STRADB: variants seen among roughly 807,000 people sequenced by gnomAD.
The protein encoded by STRADB is STE20-related kinase adapter protein beta.
Under a neutral mutation model 52.1 loss-of-function variants are expected in STRADB, and 34 were observed. That is an observed-to-expected ratio of 0.65 (90% CI 0.50 to 0.87). The LOEUF is 0.87. Ranked by LOEUF, STRADB falls within the 40% of genes least tolerant of loss-of-function variation. The probability of loss-of-function intolerance (pLI) is 0.00; values close to 1 mark genes in which losing one functional copy is unlikely to be tolerated. For missense variants in STRADB, 340 were observed against 483.9 expected, an observed-to-expected ratio of 0.70 and a Z score of 2.79; for synonymous variants, 133 against 174.5, an observed-to-expected ratio of 0.76 and a Z score of 1.87.
At chr2:201,468,417 T>C (rs781285984) in intron 3 of STRADB, among the ~76,000 whole-genome samples, 14 of 152,214 alleles carry the variant, frequency 9.2e-5, no homozygotes, top group Non-Finnish European at 1.6e-4. Context: ...CTTGCCCCTT[T>C]GTAGTTTTCT....
chr2:201,474,688 T>G lies in STRADB; in HGVS notation c.357T>G (p.Ile119Met). ...ILSHFFRHPNITTYWTVFTVG... is the reference protein window; with the variant it reads ...ILSHFFRHPNMTTYWTVFTVG... ...CCCACTTTTTCCGGCATCCCAATAT[T>G]ACAACTTATTGGACAGTTTTCACTG... Residue 119 changes from isoleucine to methionine, a missense_variant, in exon 6 of 12, where the codon ATT (isoleucine) becomes ATG (methionine). Ile to Met is a conservative substitution (Grantham distance 10, BLOSUM62 1). Coordinates refer to ENST00000194530, the MANE Select transcript of STRADB (RefSeq NM_018571.6). 6.2e-7 allele frequency: 1 copy of G among 1,612,722 alleles called. No homozygotes were observed. The highest frequency in any genetic ancestry group is 8.5e-7 in the Non-Finnish European group (1 of 1,179,726).
At chr2:201,474,253 A>T (rs542133767) in intron 5 of STRADB, among the ~76,000 whole-genome samples, 2 of 152,198 alleles carry the variant, frequency 1.3e-5, no homozygotes, top group Non-Finnish European at 2.9e-5. Context: ...ACTAGGAGAA[A>T]CTATACCAAA....
intron 5 of STRADB, among the ~76,000 whole-genome samples, chr2:201,473,934 A>G (rs2125681278): frequency 7.4e-6 from 1 of 135,180 alleles, no homozygotes; most frequent in African/African-American, 2.9e-5. Flanking sequence ...TCAGTCGCCC[A>G]GGCTGGAGTG....
At chr2:201,458,430 T>A (rs1952160510) in intron 2 of STRADB, among the ~76,000 whole-genome samples, 1 of 152,212 alleles carries the variant, frequency 6.6e-6, no homozygotes, top group South Asian at 2.1e-4. Context: ...AGCAGAATAA[T>A]CTTTGGCTAA....
chr2:201,457,455 G>A (rs1172811965), intron 2 of STRADB: 1 of 152,108 alleles, frequency 6.6e-6, no homozygotes, highest in African/African-American at 2.4e-5. Context: ...TTCAGGGTGA[G>A]TTTTACATAA....
chr2:201,477,286 G>T (rs938269904), intron 7 of STRADB, among the ~76,000 whole-genome samples: 1 of 151,678 alleles, frequency 6.6e-6, no homozygotes, highest in Non-Finnish European at 1.5e-5. Context: ...GGATGGCCTC[G>T]ATCTCCTGAC....
intron 3 of STRADB, among the ~76,000 whole-genome samples, chr2:201,463,139 C>T (rs1294576994): frequency 6.6e-6 from 1 of 152,134 alleles, no homozygotes; most frequent in Non-Finnish European, 1.5e-5. Flanking sequence ...AGATTGAGAC[C>T]ATCCTGGCTA....
chr2:201,454,947 T>G, intron 2 of STRADB, 95 bp downstream of exon 2: 1 of 1,104,872 alleles, frequency 9.1e-7, no homozygotes, highest in East Asian at 2.4e-5. Context: ...GATGGGATAT[T>G]CTTATGCTCT....
chr2:201,471,606 A>C (rs1460969980), intron 4 of STRADB, among the ~76,000 whole-genome samples: 1 of 152,216 alleles, frequency 6.6e-6, no homozygotes, highest in African/African-American at 2.4e-5. Flanking sequence ...GATCTTTCTG[A>C]CTGTAGGATC....
At chr2:201,459,536 C>T (rs1952180133) in intron 3 of STRADB, among the ~76,000 whole-genome samples, 1 of 152,204 alleles carries the variant, frequency 6.6e-6, no homozygotes, top group Non-Finnish European at 1.5e-5. Context: ...TATTTATTAT[C>T]TGTCTCTGAA....
chr2:201,454,859 T>G lies in STRADB; in HGVS notation c.12+7T>G, dbSNP rs1464731017. 8 of 1,608,038 alleles carry G rather than the reference T, an allele frequency of 5.0e-6. No individual in the cohort carries two copies. Among genetic ancestry groups the G allele is most frequent in the African/African-American group, 2.7e-5 (2 of 74,724 alleles). Reference sequence around the variant, plus strand: ...TGATTCAATGTCTCTTTTGGTAAGTTTTTGTAAATATAGATCTGATTTTGT... The same window carrying G: ...TGATTCAATGTCTCTTTTGGTAAGTGTTTGTAAATATAGATCTGATTTTGT... On this transcript the variant is annotated splice_region_variant and intron_variant, in intron 2 of 11. Transcript: ENST00000194530.
At chr2:201,456,367 G>A (rs555031705) in intron 2 of STRADB, among the ~76,000 whole-genome samples, 3 of 152,298 alleles carry the variant, frequency 2.0e-5, no homozygotes, top group South Asian at 4.1e-4. Flanking sequence ...TTTGATAGGC[G>A]AGAATTGTGA....
At chr2:201,474,408 T>A (rs532915032) in intron 5 of STRADB, among the ~76,000 whole-genome samples, 1 of 152,358 alleles carries the variant, frequency 6.6e-6, no homozygotes, top group African/African-American at 2.4e-5. Flanking sequence ...CTTCTTTTTA[T>A]TAATTGCATG....
intron 3 of STRADB, among the ~76,000 whole-genome samples, chr2:201,468,296 T>C (rs1952337459): frequency 6.6e-6 from 1 of 151,690 alleles, no homozygotes; most frequent in Admixed American, 6.6e-5. Flanking sequence ...GATGATTTAC[T>C]CTTAGTAAAT....
chr2:201,463,426 A>G (rs1218076592), intron 3 of STRADB, among the ~76,000 whole-genome samples: 2 of 151,668 alleles, frequency 1.3e-5, no homozygotes, highest in African/African-American at 4.8e-5. Context: ...GTCTGCTGCA[A>G]GATGTATTGG....
intron 4 of STRADB, among the ~76,000 whole-genome samples, chr2:201,470,301 C>A (rs183518942): frequency 1.3e-5 from 2 of 152,242 alleles, no homozygotes; most frequent in East Asian, 3.9e-4. Flanking sequence ...ACACTAAATA[C>A]TTATTATTTG....
intron 2 of STRADB, among the ~76,000 whole-genome samples, chr2:201,456,141 C>A (rs1290570595): frequency 6.6e-6 from 1 of 152,150 alleles, no homozygotes; most frequent in Non-Finnish European, 1.5e-5. Flanking sequence ...TGCTGAAATA[C>A]TAGCATGAAA....
chr2:201,477,989 C>T, intron 8 of STRADB, 98 bp from the exon 9 acceptor site: 1 of 1,231,664 alleles, frequency 8.1e-7, no homozygotes, highest in South Asian at 1.5e-5. Context: ...GGTTTCTTTT[C>T]CATTATTGTT....
At chr2:201,469,914 G>A (rs1286198836) in intron 3 of STRADB, 39 bp from the exon 4 acceptor site, 2 of 1,480,024 alleles carry the variant, frequency 1.4e-6, no homozygotes, top group Non-Finnish European at 1.9e-6. Context: ...GGACCAAGAA[G>A]TTCATCTATT....
Sources: gnomAD v4.1 joint callset for allele counts (sites outside exome capture counted in the v4.1 genomes callset) on GRCh38, gnomAD v4.1.1 for gene constraint, MANE v1.5 for transcripts, NCBI Gene and HGNC (gene_info 2026-07-23, HGNC 2026-07-21) for gene names.